OLAH: variants seen among roughly 807,000 people sequenced by gnomAD.
OLAH encodes the protein S-acyl fatty acid synthase thioesterase, medium chain.
OLAH carries 33 observed loss-of-function variants against 27.8 expected under a neutral mutation model. The ratio of observed to expected loss-of-function variants is 1.19; its 90% CI spans 0.90 to 1.59. OLAH has a LOEUF of 1.59. Ranked by LOEUF, OLAH falls within the 40% of genes most tolerant of loss-of-function variation. OLAH has a pLI of 0.00. For missense variants in OLAH, 359 were observed against 310.8 expected (o/e 1.16, Z -1.17); for synonymous variants, 120 against 102.9 (o/e 1.17, Z -1.01).
chr10:15,056,750 C>T, intron 3 of OLAH: 2 of 1,273,538 alleles, frequency 1.6e-6, no homozygotes, highest in Non-Finnish European at 2.0e-6. Flanking sequence ...CCCACCTCAG[C>T]CTCCTGAGTA....
chr10:15,050,156 G>A (rs1011413936), intron 3 of OLAH, among the ~76,000 whole-genome samples: 4 of 152,220 alleles, frequency 2.6e-5, no homozygotes, highest in African/African-American at 4.8e-5. Context: ...AGTGGCGCAC[G>A]CTTGTAATAC....
At chr10:15,054,123 C>CT (rs1844201008) in intron 3 of OLAH, among the ~76,000 whole-genome samples, 1 of 151,406 alleles carries the variant, frequency 6.6e-6, no homozygotes, top group South Asian at 2.1e-4. Context: ...ACTGCAACCT[C>CT]TGTCTCCCAG....
At chr10:15,043,535 G>A (rs11818802), upstream of OLAH, among the ~76,000 whole-genome samples, 3,019 of 147,230 alleles carry the variant, frequency 0.021, 93 homozygotes, top group African/African-American at 0.071. Flanking sequence ...GTGCAGTGGC[G>A]TGATCTCAGG....
At position 15,061,728 on chromosome 10, in the gene OLAH, C is replaced by A. The variant is rs566195220; in HGVS notation, c.168C>A (p.His56Gln). 3.1e-6 allele frequency: 5 copies of A among 1,605,638 alleles called. No homozygotes were observed. In the East Asian group the frequency reaches 1.1e-4, roughly 36 times the overall value. Residue 56 changes from histidine to glutamine, a missense_variant, in exon 4 of 8, where the codon CAC becomes CAA. Transcript: ENST00000378228. ...CTTGTGTTTCTCCATCTCCAGTGCACTCCTTAAGGCTTCCTGGAAGAGAAA... is the reference window on the plus strand; with the variant it reads ...CTTGTGTTTCTCCATCTCCAGTGCAATCCTTAAGGCTTCCTGGAAGAGAAA... Reference protein sequence around the residue: ...GQDTHDLLEVHSLRLPGRESR... With the variant: ...GQDTHDLLEVQSLRLPGRESR...
chr10:15,048,511 C>A (rs959150783), intron 2 of OLAH, among the ~76,000 whole-genome samples: 1 of 152,198 alleles, frequency 6.6e-6, no homozygotes, highest in Admixed American at 6.5e-5. Flanking sequence ...AGCCACTGAG[C>A]CCAGTCTATA....
At chr10:15,047,563 G>A (rs986575946) in intron 2 of OLAH, among the ~76,000 whole-genome samples, 1 of 152,160 alleles carries the variant, frequency 6.6e-6, no homozygotes, top group African/African-American at 2.4e-5. Flanking sequence ...GGGTATGGTG[G>A]TGCACCCTCA....
In OLAH at chr10:15,047,602, G is replaced by C. The variant is rs535592151; in HGVS notation, c.32+282G>C. Among the ~76,000 whole-genome samples, 419 of 152,298 alleles carry C rather than the reference G, an allele frequency of 2.8e-3. 2 individuals are homozygous for C. Among genetic ancestry groups the C allele is most frequent in the Non-Finnish European group, 4.6e-3 (316 of 68,028 alleles). ...TGGTGGTAATCCCAGCCACTCGGGA[G>C]GGTGAGGCAGGAGAATTGCTGAAAC... is the stretch of plus-strand genomic sequence containing the variant. On this transcript the variant is annotated intron_variant, in intron 2 of 7. Coordinates refer to ENST00000378228, the MANE Select transcript of OLAH (RefSeq NM_001039702.3).
chr10:15,066,148 G>A (rs1844462473), intron 6 of OLAH, among the ~76,000 whole-genome samples: 1 of 151,516 alleles, frequency 6.6e-6, no homozygotes. Flanking sequence ...GGCTGAGGCA[G>A]GAGAATCACT....
chr10:15,034,800 C>CTT (rs1348025194), intron 1 of OLAH, among the ~76,000 whole-genome samples: 2 of 96,964 alleles, frequency 2.1e-5, no homozygotes, highest in African/African-American at 3.7e-5. Context: ...TCTTTTCTTT[C>CTT]TTTCTTTTTT....
intron 3 of OLAH, among the ~76,000 whole-genome samples, chr10:15,050,300 C>G (rs1400486151): frequency 1.3e-5 from 2 of 152,142 alleles, no homozygotes; most frequent in Admixed American, 1.3e-4. Flanking sequence ...CAGAGTCTTG[C>G]TCTGTCACCC....
At chr10:15,052,107 C>A (rs2131350936) in intron 3 of OLAH, among the ~76,000 whole-genome samples, 1 of 152,146 alleles carries the variant, frequency 6.6e-6, no homozygotes, top group East Asian at 1.9e-4. Context: ...ACATGGTGAA[C>A]CCTGTCTCTA....
chr10:15,052,444 A>T (rs1270529460), intron 3 of OLAH, among the ~76,000 whole-genome samples: 1 of 152,116 alleles, frequency 6.6e-6, no homozygotes, highest in Non-Finnish European at 1.5e-5. Context: ...TTTTTAAGAA[A>T]ATTTTTTTTG....
Position 15,047,248 on chromosome 10 carries a change from A to G in OLAH, c.-41A>G. On this transcript the variant is annotated 5_prime_UTR_variant, in exon 2 of 8. Coordinates refer to ENST00000378228, the MANE Select transcript of OLAH (RefSeq NM_001039702.3). ...AACTGACTTCTGTTGAGCACTCAAC[A>G]CGCCACAGAGACCAGCCATCTTGCA... The G allele has an allele frequency of 6.2e-7, 1 of 1,610,674 alleles. No homozygotes were observed. Among genetic ancestry groups the G allele is most frequent in the Non-Finnish European group, 8.5e-7 (1 of 1,178,168 alleles).
chr10:15,062,089 T>G (rs561476710), intron 4 of OLAH: 1 of 428,054 alleles, frequency 2.3e-6, no homozygotes, highest in Non-Finnish European at 4.2e-6. Context: ...AACCAAGACT[T>G]TAACAGCAGC....
Position 15,047,240 on chromosome 10 carries a change from C to T in OLAH, c.-49C>T. ...TCAAGAGGAACTGACTTCTGTTGAG[C>T]ACTCAACACGCCACAGAGACCAGCC... On this transcript the variant is annotated 5_prime_UTR_variant, in exon 2 of 8. Transcript: ENST00000378228. The T allele has an allele frequency of 6.3e-7, 1 of 1,598,784 alleles. No homozygotes were observed. Among genetic ancestry groups the T allele is most frequent in the Non-Finnish European group, 8.6e-7 (1 of 1,168,776 alleles).
chr10:15,058,976 T>C (rs7069312), intron 3 of OLAH, among the ~76,000 whole-genome samples: 190 of 53,618 alleles, frequency 3.5e-3, no homozygotes, highest in East Asian at 6.3e-3. Context: ...TCCCTCCCTC[T>C]CTCCTTCCCT....
upstream of OLAH, among the ~76,000 whole-genome samples, chr10:15,042,298 C>A (rs1200706916): frequency 6.6e-6 from 1 of 151,988 alleles, no homozygotes; most frequent in Non-Finnish European, 1.5e-5. Context: ...ATTACAGGCA[C>A]CCGCCATCAC....
chr10:15,040,676 C>T (rs1589235755), upstream of OLAH, among the ~76,000 whole-genome samples: 1 of 116,182 alleles, frequency 8.6e-6, no homozygotes, highest in East Asian at 2.8e-4. Flanking sequence ...TACTCCTATT[C>T]ATTCATTTAT....
upstream of OLAH, among the ~76,000 whole-genome samples, chr10:15,038,976 G>A (rs763373861): frequency 6.6e-6 from 1 of 152,074 alleles, no homozygotes; most frequent in Non-Finnish European, 1.5e-5. Context: ...TAATACCAGC[G>A]CTTTGGGAAG....
Sources: allele counts gnomAD v4.1 joint callset (sites outside exome capture counted in the v4.1 genomes callset), GRCh38; gene constraint gnomAD v4.1.1; transcripts MANE v1.5; gene names NCBI Gene and HGNC (gene_info 2026-07-23, HGNC 2026-07-21).